Variants in PTPRS observed in about 807,000 individuals in gnomAD.
PTPRS encodes receptor-type tyrosine-protein phosphatase S.
PTPRS carries 63 observed loss-of-function variants against 215.3 expected under a neutral mutation model. The ratio of observed to expected loss-of-function variants is 0.29; its 90% CI spans 0.24 to 0.36. The LOEUF (loss-of-function observed/expected upper bound fraction) is 0.36, where lower values mean the gene tolerates loss of function less well. Ranked by LOEUF, PTPRS falls within the 10% of genes least tolerant of loss-of-function variation. PTPRS has a pLI of 1.00. For synonymous variants in PTPRS, 1,404 were observed against 1,191.4 expected (o/e 1.18, Z -3.68); for missense variants, 2,258 against 2,825.8 (o/e 0.80, Z 4.56).
intron 1 of PTPRS, among the ~76,000 whole-genome samples, chr19:5,315,143 C>G (rs982953243): frequency 6.6e-6 from 1 of 152,044 alleles, no homozygotes; most frequent in Non-Finnish European, 1.5e-5. Flanking sequence ...TCTACCTTCA[C>G]TTCTTAGATC....
At chr19:5,328,857 A>G (rs1281660281) in intron 1 of PTPRS, among the ~76,000 whole-genome samples, 1 of 151,846 alleles carries the variant, frequency 6.6e-6, no homozygotes, top group Non-Finnish European at 1.5e-5. Context: ...CTGCAACATC[A>G]CCCACTCCGA....
chr19:5,235,855 A>G (rs1208536354), intron 13 of PTPRS, among the ~76,000 whole-genome samples: 1 of 152,200 alleles, frequency 6.6e-6, no homozygotes, highest in Non-Finnish European at 1.5e-5. Flanking sequence ...TGTGTGTTAA[A>G]GGCTTATGAA....
rs531283266 is a variant in PTPRS, at chr19:5,237,902, G to A, written c.1849+1017C>T. ...GGCGCCCCACCCCCCCGATCCCAGC[G>A]GCTCAGATGCCCCGGCTGGAGTTGA... is the stretch of plus-strand genomic sequence containing the variant. On this transcript the variant is annotated intron_variant, in intron 13 of 37. Transcript: ENST00000262963. This position sits in a 1 kb window ranked among gnomAD's most constrained non-coding sequence, Gnocchi z 4.2. Among the ~76,000 whole-genome samples the A allele has an allele frequency of 1.3e-3, 204 of 151,530 alleles. No individual in the cohort carries two copies. The highest frequency in any genetic ancestry group is 4.8e-3 in the African/African-American group (199 of 41,432).
At chr19:5,280,383 T>C (rs1334484595) in intron 2 of PTPRS, among the ~76,000 whole-genome samples, 1 of 152,196 alleles carries the variant, frequency 6.6e-6, no homozygotes, top group Non-Finnish European at 1.5e-5. Flanking sequence ...CTGCTCCTGT[T>C]GATATGACCG....
intron 1 of PTPRS, among the ~76,000 whole-genome samples, chr19:5,333,457 A>T (rs1359732263): frequency 6.6e-6 from 1 of 151,814 alleles, no homozygotes; most frequent in East Asian, 1.9e-4. Context: ...GCAGTGAGCC[A>T]TTATGGCATC....
At chr19:5,263,856 G>T (rs1213300525) in intron 5 of PTPRS, among the ~76,000 whole-genome samples, 1 of 152,244 alleles carries the variant, frequency 6.6e-6, no homozygotes, top group Non-Finnish European at 1.5e-5. Context: ...GGGGAAGGGA[G>T]GCCCGTGTGT....
At chr19:5,306,996 T>C (rs1016010767) in intron 1 of PTPRS, among the ~76,000 whole-genome samples, 8 of 152,178 alleles carry the variant, frequency 5.3e-5, no homozygotes, top group Non-Finnish European at 7.4e-5. Flanking sequence ...CGATAGGAGA[T>C]TGGTTAAGTA....
chr19:5,266,422 G>A (rs1290635653), intron 4 of PTPRS, among the ~76,000 whole-genome samples: 2 of 152,046 alleles, frequency 1.3e-5, no homozygotes, highest in Non-Finnish European at 2.9e-5. Context: ...GAGCCACTGT[G>A]CCTGGCCCAG....
chr19:5,225,709 G>A lies in PTPRS; in HGVS notation c.2494+18C>T, dbSNP rs1056243233. ...GCAAAGGGGCTGTTGGTGGGTGGGAGGAGGGCGGGTTGCATACCTGCTCCC... is the reference window on the plus strand; with the variant it reads ...GCAAAGGGGCTGTTGGTGGGTGGGAAGAGGGCGGGTTGCATACCTGCTCCC... On this transcript the variant is annotated intron_variant, in intron 17 of 37. Coordinates refer to ENST00000262963, the MANE Select transcript of PTPRS (RefSeq NM_002850.4). 13 of 1,603,294 alleles carry A rather than the reference G, an allele frequency of 8.1e-6. No individual in the cohort carries two copies. The highest frequency in any genetic ancestry group is 8.0e-5 in the African/African-American group (6 of 74,624).
At chr19:5,304,636 G>C (rs1600082079) in intron 1 of PTPRS, among the ~76,000 whole-genome samples, 2 of 152,192 alleles carry the variant, frequency 1.3e-5, no homozygotes, top group East Asian at 3.9e-4. Context: ...GTGATAGGGG[G>C]AGACTCCGTT....
At chr19:5,224,860 G>A (rs1262464643) in intron 17 of PTPRS, among the ~76,000 whole-genome samples, 3 of 152,138 alleles carry the variant, frequency 2.0e-5, no homozygotes. Context: ...TGTCCAGCTG[G>A]GAGGCCTGAA....
At chr19:5,214,334 A>C (rs746237244) in intron 30 of PTPRS, 27 bp downstream of exon 30, 1 of 1,613,750 alleles carries the variant, frequency 6.2e-7, no homozygotes, top group Non-Finnish European at 8.5e-7. Flanking sequence ...CTCCACCCTC[A>C]GCCCCCAGCC....
chr19:5,280,647 G>A (rs1311434379), intron 2 of PTPRS, among the ~76,000 whole-genome samples: 1 of 152,102 alleles, frequency 6.6e-6, no homozygotes. Context: ...TTTGAACCCA[G>A]GAGGCAGAGG....
intron 1 of PTPRS, among the ~76,000 whole-genome samples, chr19:5,326,539 G>T (rs1322898376): frequency 3.3e-5 from 5 of 151,974 alleles, no homozygotes; most frequent in Admixed American, 1.3e-4. Flanking sequence ...GTCAAGTACT[G>T]GCTGGGCACG....
In PTPRS at chr19:5,205,638, A is replaced by G. The variant is rs555402411; in HGVS notation, c.*1136T>C. 3.3e-5 allele frequency among the ~76,000 whole-genome samples: 5 copies of G among 152,326 alleles called. No individual in the cohort carries two copies. In the East Asian group the frequency reaches 9.7e-4, roughly 29 times the overall value. ...GACCTGCCCTTGTACAAAGAGGAAC[A>G]ACTCGCTTGCTCAGGGTAGGCGGGT... On this transcript the variant is annotated 3_prime_UTR_variant, in exon 38 of 38. Coordinates refer to ENST00000262963, the MANE Select transcript of PTPRS (RefSeq NM_002850.4).
intron 9 of PTPRS, among the ~76,000 whole-genome samples, chr19:5,251,905 G>T (rs543873807): frequency 1.9e-4 from 29 of 152,168 alleles, no homozygotes; most frequent in African/African-American, 6.5e-4. Flanking sequence ...ACACCTCAAC[G>T]CGAGGCTTTC....
intron 9 of PTPRS, 72 bp from the exon 10 acceptor site, chr19:5,246,117 G>T: frequency 1.2e-6 from 1 of 860,528 alleles, no homozygotes; most frequent in Admixed American, 4.0e-5. Context: ...GGGAGGGGAA[G>T]ACAGGATGCG....
At chr19:5,306,375 C>G (rs1159720613) in intron 1 of PTPRS, among the ~76,000 whole-genome samples, 1 of 152,082 alleles carries the variant, frequency 6.6e-6, no homozygotes, top group Non-Finnish European at 1.5e-5. Context: ...ATGCTCCTGA[C>G]CTCAAGTGAT....
intron 1 of PTPRS, among the ~76,000 whole-genome samples, chr19:5,312,227 T>C (rs2049729828): frequency 6.6e-6 from 1 of 151,960 alleles, no homozygotes; most frequent in African/African-American, 2.4e-5. Flanking sequence ...AAAGAATGCA[T>C]AGTACGCAGC....
Sources: allele counts gnomAD v4.1 joint callset (sites outside exome capture counted in the v4.1 genomes callset), GRCh38; gene constraint gnomAD v4.1.1; non-coding constraint Gnocchi (gnomAD v3.1); transcripts MANE v1.5; gene names NCBI Gene and HGNC (gene_info 2026-07-23, HGNC 2026-07-21).